The following KCTD1 variants were observed in gnomAD, a reference collection of about 807,000 sequenced individuals.
KCTD1 encodes potassium channel tetramerization domain containing 1.
Under a neutral mutation model 66.0 loss-of-function variants are expected in KCTD1, and 24 were observed. That is an observed-to-expected ratio of 0.36 (90% confidence interval 0.26 to 0.51). The LOEUF (loss-of-function observed/expected upper bound fraction) is 0.51, where lower values mean the gene tolerates loss of function less well. Ranked by LOEUF, KCTD1 falls within the 20% of genes least tolerant of loss-of-function variation. KCTD1 has a pLI of 0.95. For missense variants in KCTD1, 943 were observed against 1,205.2 expected (o/e 0.78, Z 3.22); for synonymous variants, 511 against 517.2 (o/e 0.99, Z 0.16).
At chr18:26,484,611 C>A (rs567768009) in intron 2 of KCTD1, among the ~76,000 whole-genome samples, 3 of 152,300 alleles carry the variant, frequency 2.0e-5, no homozygotes, top group South Asian at 4.2e-4. Context: ...AGTACTATTA[C>A]AATGAAACTG....
chr18:26,547,304 G>A lies in KCTD1; in HGVS notation c.1233C>T (p.Asp411=). 1 of 1,551,686 alleles carries A rather than the reference G, an allele frequency of 6.4e-7. No individual in the cohort carries two copies. Among genetic ancestry groups the A allele is most frequent in the Non-Finnish European group, 8.7e-7 (1 of 1,146,974 alleles). The part of the protein sequence containing the change: ...LCKAFFQRPR[D]HCSEGDVTWY... ...AGGTCACATCGCCCTCGCTGCAGTG[G>A]TCCCGGGGCCGCTGGAAGAACGCCT... The change falls in exon 1 of 5, where the codon GAC becomes GAT. Residue 411 remains aspartate, a synonymous_variant. Coordinates refer to ENST00000580059, the MANE Select transcript of KCTD1 (RefSeq NM_001142730.3).
At chr18:26,643,804 T>C (rs540345494), upstream of KCTD1, among the ~76,000 whole-genome samples, 76 of 152,202 alleles carry the variant, frequency 5.0e-4, no homozygotes, top group Non-Finnish European at 3.5e-4. Context: ...CTACTAAAAA[T>C]ACAAAAAATT....
chr18:26,484,778 G>T (rs1050737433), intron 2 of KCTD1, among the ~76,000 whole-genome samples: 2 of 152,180 alleles, frequency 1.3e-5, no homozygotes, highest in Non-Finnish European at 2.9e-5. Flanking sequence ...GGCCTAGGCA[G>T]GCAGGGAAGG....
At chr18:26,515,499 C>T (rs73944612) in intron 1 of KCTD1, among the ~76,000 whole-genome samples, 3,647 of 143,268 alleles carry the variant, frequency 0.025, 156 homozygotes, top group African/African-American at 0.087. Context: ...TGAAAACAGG[C>T]CTCTTTTTTC....
intron 1 of KCTD1, among the ~76,000 whole-genome samples, chr18:26,639,782 T>A (rs1486685961): frequency 6.6e-6 from 1 of 152,146 alleles, no homozygotes; most frequent in African/African-American, 2.4e-5. Context: ...GTTCAAACCC[T>A]GGGTCGCATA....
chr18:26,613,095 T>A (rs1045040964), intron 1 of KCTD1, among the ~76,000 whole-genome samples: 2 of 152,124 alleles, frequency 1.3e-5, no homozygotes, highest in African/African-American at 4.8e-5. Context: ...CCTGAACTAG[T>A]CCCCTGTGCA....
intron 1 of KCTD1, among the ~76,000 whole-genome samples, chr18:26,610,148 G>T (rs1298752005): frequency 1.3e-5 from 2 of 152,162 alleles, no homozygotes; most frequent in African/African-American, 4.8e-5. Context: ...AGTCCACTTT[G>T]AGTTACTTTT....
intron 1 of KCTD1, chr18:26,566,776 C>T (rs1054665013): frequency 1.4e-4 from 21 of 148,390 alleles, no homozygotes; most frequent in African/African-American, 5.0e-4. Flanking sequence ...TGGCATTTCC[C>T]CTGGTGGTTT....
rs779282985 is a variant in KCTD1 at position 26,459,938 on chromosome 18, A to AC, written c.2134-14_2134-13insG. ...ACAAAGTGTAGTCCTGGAAAAAAAA[A>AC]AGGTATTTCACAGTGCAAACTGCAA... On this transcript the variant is annotated splice_polypyrimidine_tract_variant and intron_variant, in intron 3 of 4. Transcript: ENST00000580059. The AC allele has an allele frequency of 3.2e-6, 5 of 1,548,914 alleles. No homozygotes were observed. Among genetic ancestry groups the AC allele is most frequent in the Non-Finnish European group, 4.4e-6 (5 of 1,148,486 alleles).
chr18:26,630,313 A>T (rs1987591186), upstream of KCTD1, among the ~76,000 whole-genome samples: 2 of 152,016 alleles, frequency 1.3e-5, no homozygotes. Context: ...ACCCTTGAGT[A>T]TATGTCTTTT....
chr18:26,541,749 C>T (rs1481783538), intron 1 of KCTD1, among the ~76,000 whole-genome samples: 1 of 152,060 alleles, frequency 6.6e-6, no homozygotes, highest in Non-Finnish European at 1.5e-5. Flanking sequence ...GATAACACAA[C>T]CTCATATTCA....
At chr18:26,620,193 GA>G (rs1987343066) in intron 1 of KCTD1, among the ~76,000 whole-genome samples, 1 of 151,756 alleles carries the variant, frequency 6.6e-6, no homozygotes, top group Admixed American at 6.6e-5. Context: ...GGAATGCGGG[GA>G]CTGATGACTG....
At chr18:26,596,524 G>A (rs2144960446) in intron 1 of KCTD1, among the ~76,000 whole-genome samples, 1 of 152,324 alleles carries the variant, frequency 6.6e-6, no homozygotes, top group African/African-American at 2.4e-5. Context: ...TCTGACTCAT[G>A]TGTACCTGGC....
intron 1 of KCTD1, among the ~76,000 whole-genome samples, chr18:26,612,064 A>C (rs1193086035): frequency 6.6e-6 from 1 of 152,130 alleles, no homozygotes; most frequent in Non-Finnish European, 1.5e-5. Context: ...CTGTGTGAGC[A>C]CTGGGCACGG....
At chr18:26,621,152 G>A (rs573916413) in intron 1 of KCTD1, among the ~76,000 whole-genome samples, 9 of 152,192 alleles carry the variant, frequency 5.9e-5, no homozygotes, top group South Asian at 2.1e-4. Flanking sequence ...TCTTTACAAA[G>A]CTATGCTGAA....
chr18:26,638,364 A>T (rs1487318871), intron 1 of KCTD1, among the ~76,000 whole-genome samples: 1 of 152,158 alleles, frequency 6.6e-6, no homozygotes, highest in East Asian at 1.9e-4. Flanking sequence ...GTCTTAAAAT[A>T]CAACTGCAAA....
chr18:26,470,843 C>T (rs1567958344), intron 3 of KCTD1, among the ~76,000 whole-genome samples: 1 of 152,048 alleles, frequency 6.6e-6, no homozygotes, highest in Non-Finnish European at 1.5e-5. Context: ...CCAGTAAAGG[C>T]CAGGGGAATG....
intron 1 of KCTD1, among the ~76,000 whole-genome samples, chr18:26,530,972 G>A (rs557314101): frequency 9.4e-4 from 143 of 152,172 alleles, no homozygotes; most frequent in Admixed American, 1.7e-3. Context: ...TATTCATTTC[G>A]GCAAGTACTT....
chr18:26,606,008 C>T (rs1194350187), intron 1 of KCTD1, among the ~76,000 whole-genome samples: 1 of 152,038 alleles, frequency 6.6e-6, no homozygotes, highest in African/African-American at 2.4e-5. Flanking sequence ...ACATGTAAGA[C>T]TTACATTGGT....
Sources: allele counts gnomAD v4.1 joint callset (sites outside exome capture counted in the v4.1 genomes callset), GRCh38; gene constraint gnomAD v4.1.1; transcripts MANE v1.5; gene names NCBI Gene and HGNC (gene_info 2026-07-23, HGNC 2026-07-21).